The following SNX31 variants were observed in gnomAD, a reference collection of about 807,000 sequenced individuals.
SNX31 encodes sorting nexin 31.
Under a neutral mutation model 65.4 loss-of-function variants are expected in SNX31, and 58 were observed. The observed-to-expected ratio is 0.89, with a 90% confidence interval of 0.72 to 1.10. SNX31 has a LOEUF of 1.10. Ranked by LOEUF, SNX31 falls within the 50% of genes least tolerant of loss-of-function variation. The pLI is 0.00. For synonymous variants in SNX31, 181 were observed against 190.1 expected, an observed-to-expected ratio of 0.95 and a Z score of 0.39; for missense variants, 523 against 529.7, an observed-to-expected ratio of 0.99 and a Z score of 0.12.
rs1350554423 is a variant in SNX31 at position 100,577,019 on chromosome 8, C to T, written c.1227G>A (p.Gln409=). The change falls in exon 13 of 14, where the codon CAG becomes CAA. Residue 409 remains glutamine (Q), a splice_region_variant and synonymous_variant. Coordinates refer to ENST00000311812, the MANE Select transcript of SNX31 (RefSeq NM_152628.4). The part of the protein sequence containing the change: ...KSKKYHIQQS[Q]QKDYSSFLSR... ...CAATTACATAATTTTACTCACAGAC[C>T]TGGCTTTGTTGAATGTGGTATTTTT... 2 of 1,611,704 alleles carry T rather than the reference C, an allele frequency of 1.2e-6. No individual in the cohort carries two copies. Among genetic ancestry groups the T allele is most frequent in the East Asian group, 2.2e-5 (1 of 44,820 alleles).
chr8:100,641,643 T>TATATAC (rs1819240382), intron 2 of SNX31, among the ~76,000 whole-genome samples: 2 of 44,826 alleles, frequency 4.5e-5, no homozygotes, highest in African/African-American at 2.4e-4. Context: ...TATATATATA[T>TATATAC]ATATATATAT....
upstream of SNX31, among the ~76,000 whole-genome samples, chr8:100,650,450 A>AT (rs71274990): frequency 8.6e-3 from 1,304 of 152,202 alleles, 10 homozygotes; most frequent in Non-Finnish European, 0.014. Flanking sequence ...CTCACAGGGC[A>AT]TTTTTTTCAT....
chr8:100,617,724 A>C lies in SNX31; in HGVS notation c.328T>G (p.Phe110Val), dbSNP rs200631078. Residue 110 changes from phenylalanine (F) to valine (V), a missense_variant, in exon 5 of 14, where the codon TTT becomes GTT. Phe to Val is a conservative substitution (Grantham distance 50). Coordinates refer to ENST00000311812, the MANE Select transcript of SNX31 (RefSeq NM_152628.4). ...TAAGCTTTCTTGGTGGCGATGTCAA[A>C]TGTATTCTATAAGCAAAAGAAAAGC... ...EFLKLAQLNT[F>V]DIATKKAYLD... 1 of 1,609,424 alleles carries C rather than the reference A, an allele frequency of 6.2e-7. No individual in the cohort carries two copies. Among genetic ancestry groups the C allele is most frequent in the Non-Finnish European group, 8.5e-7 (1 of 1,178,092 alleles).
At position 100,594,695 on chromosome 8, in the gene SNX31, G is replaced by A. The variant is rs892777122; in HGVS notation, c.978+1944C>T. ...ACTGGTTCACTCACACATTGCTGGT[G>A]GGAATGTAAAATGATGTAGCCATTC... On this transcript the variant is annotated intron_variant, in intron 10 of 13. Transcript: ENST00000311812. This position sits in a 1 kb window ranked among gnomAD's most constrained non-coding sequence, Gnocchi z 4.0. Among the ~76,000 whole-genome samples the A allele has an allele frequency of 1.3e-5, 2 of 152,172 alleles. No individual in the cohort carries two copies. Among genetic ancestry groups the A allele is most frequent in the Non-Finnish European group, 2.9e-5 (2 of 68,032 alleles).
At position 100,610,115 on chromosome 8, in the gene SNX31, G is replaced by T. The variant is rs1276086380; in HGVS notation, c.612-1552C>A. Among the ~76,000 whole-genome samples the T allele has an allele frequency of 6.6e-6, 1 of 152,212 alleles. No homozygotes were observed. Among genetic ancestry groups the T allele is most frequent in the Non-Finnish European group, 1.5e-5 (1 of 68,038 alleles). Reference sequence around the variant, plus strand: ...CTGATCCTCAGCTCTGACAATAGAAGTGGAACCTCCTTTCTTCCCAGTTCC... The same window carrying T: ...CTGATCCTCAGCTCTGACAATAGAATTGGAACCTCCTTTCTTCCCAGTTCC... On this transcript the variant is annotated intron_variant, in intron 7 of 13. Transcript: ENST00000311812. This position sits in a 1 kb window ranked among gnomAD's most constrained non-coding sequence, Gnocchi z 4.0.
At chr8:100,619,642 G>T (rs933460115) in intron 4 of SNX31, among the ~76,000 whole-genome samples, 1 of 152,238 alleles carries the variant, frequency 6.6e-6, no homozygotes, top group Admixed American at 6.5e-5. Context: ...GCAGCGATCT[G>T]GGGGTGGATT....
At chr8:100,620,045 A>G (rs1423996222) in intron 4 of SNX31, 3 of 152,194 alleles carry the variant, frequency 2.0e-5, no homozygotes, top group Non-Finnish European at 2.9e-5. Context: ...ATCATGTTTA[A>G]AATAATTTCA....
chr8:100,656,943 A>G (rs1287164731), intron 1 of SNX31, among the ~76,000 whole-genome samples: 1 of 152,196 alleles, frequency 6.6e-6, no homozygotes, highest in Non-Finnish European at 1.5e-5. Flanking sequence ...AGCGAGAAGT[A>G]TGGAAAAACT....
intron 8 of SNX31, among the ~76,000 whole-genome samples, chr8:100,607,301 G>A (rs933820263): frequency 6.6e-6 from 1 of 152,218 alleles, no homozygotes; most frequent in African/African-American, 2.4e-5. Context: ...CTCCGAAGAT[G>A]GCGGTGTGGT....
At chr8:100,645,509 C>A (rs1056301381) in intron 2 of SNX31, among the ~76,000 whole-genome samples, 1 of 150,204 alleles carries the variant, frequency 6.7e-6, no homozygotes, top group African/African-American at 2.4e-5. Context: ...CATACTTATA[C>A]TAAAAAAAAT....
chr8:100,663,241 C>T (rs1047582144), exon 1 of SNX31: 2 of 30,086 alleles, frequency 6.6e-5, no homozygotes, highest in African/African-American at 1.4e-3. Flanking sequence ...GCGCAGATAC[C>T]CCCCCCAATC....
rs965917436 is a variant in SNX31 at position 100,575,014 on chromosome 8, C to A, written c.1228-1054G>T. ...CGCAAATCTTTAAAGAGTAATTTGC[C>A]TTCAGTACTTATGAAATCTCAAAGA... On this transcript the variant is annotated intron_variant, in intron 13 of 13. Coordinates refer to ENST00000311812, the MANE Select transcript of SNX31 (RefSeq NM_152628.4). The surrounding 1 kb of genome is among the most constrained non-coding windows in gnomAD (Gnocchi z 5.1). 2.6e-5 allele frequency among the ~76,000 whole-genome samples: 4 copies of A among 152,062 alleles called. No homozygotes were observed. Among genetic ancestry groups the A allele is most frequent in the African/African-American group, 9.7e-5 (4 of 41,396 alleles).
At chr8:100,620,238 A>T (rs1383597745) in intron 4 of SNX31, among the ~76,000 whole-genome samples, 3 of 152,126 alleles carry the variant, frequency 2.0e-5, no homozygotes, top group Admixed American at 2.0e-4. Context: ...AGGTCAGCTG[A>T]CCAGGTGAGA....
intron 4 of SNX31, among the ~76,000 whole-genome samples, chr8:100,624,763 G>A (rs1016837628): frequency 3.9e-5 from 6 of 151,936 alleles, no homozygotes; most frequent in African/African-American, 1.5e-4. Context: ...TGGTAGAATT[G>A]GCTTGTATAA....
chr8:100,619,598 G>A (rs1378535397), intron 4 of SNX31, among the ~76,000 whole-genome samples: 1 of 152,254 alleles, frequency 6.6e-6, no homozygotes, highest in Admixed American at 6.5e-5. Flanking sequence ...AGGATCCAGA[G>A]AGGCCAGCGG....
At chr8:100,628,008 A>G (rs1163287257) in intron 4 of SNX31, among the ~76,000 whole-genome samples, 7 of 152,382 alleles carry the variant, frequency 4.6e-5, no homozygotes, top group Middle Eastern at 3.4e-3. Context: ...ATCACTGGCC[A>G]TCAGAGAAAT....
In SNX31 at chr8:100,630,256, A is replaced by G; in HGVS notation, c.321+71T>C. 1.4e-6 allele frequency: 2 copies of G among 1,414,492 alleles called. No homozygotes were observed. 87.6% of individuals were successfully genotyped at this position (1,414,492 alleles called of 1,614,324 possible). A position where few individuals can be genotyped will look rare whatever the true frequency, so the allele number is the denominator to read the frequency against. ...GTGACCAGTGCACACATGTGTGTGT[A>G]CCTGCACACTTGGTTCATGAAGAGT... is the stretch of plus-strand genomic sequence containing the variant. On this transcript the variant is annotated intron_variant, in intron 4 of 13. Coordinates refer to ENST00000311812, the MANE Select transcript of SNX31 (RefSeq NM_152628.4). The surrounding 1 kb of genome is among the most constrained non-coding windows in gnomAD (Gnocchi z 5.3).
intron 8 of SNX31, among the ~76,000 whole-genome samples, chr8:100,603,585 G>A (rs1043111847): frequency 7.2e-5 from 11 of 151,804 alleles, no homozygotes; most frequent in South Asian, 4.2e-4. Flanking sequence ...ACAGGCATGC[G>A]TCACCATGCC....
chr8:100,582,825 T>C (rs146187284), intron 12 of SNX31, among the ~76,000 whole-genome samples: 3,883 of 148,382 alleles, frequency 0.026, 166 homozygotes, highest in African/African-American at 0.089. Flanking sequence ...AAAAAAAAAA[T>C]ACAAAAAATC....
Sources: gnomAD v4.1 joint callset for allele counts (sites outside exome capture counted in the v4.1 genomes callset) on GRCh38, gnomAD v4.1.1 for gene constraint, Gnocchi (gnomAD v3.1) non-coding constraint, MANE v1.5 for transcripts, NCBI Gene and HGNC (gene_info 2026-07-23, HGNC 2026-07-21) for gene names.